The following CLIP2 variants were observed in gnomAD, a reference collection of about 807,000 sequenced individuals.
CLIP2 encodes the protein CAP-Gly domain containing linker protein 2.
Under a neutral mutation model 111.7 loss-of-function variants are expected in CLIP2, and 41 were observed. The ratio of observed to expected loss-of-function variants is 0.37; its 90% CI spans 0.29 to 0.48. CLIP2 has a LOEUF of 0.48. CLIP2 is among the 20% of genes least tolerant of loss of function. The pLI, the probability that CLIP2 is intolerant of heterozygous loss-of-function variation, is 0.99. For missense variants in CLIP2, 1,160 were observed against 1,422.1 expected (o/e 0.82, Z 2.96); for synonymous variants, 660 against 644.2 (o/e 1.02, Z -0.37).
At chr7:74,383,774 A>T (rs1437130861) in intron 11 of CLIP2, among the ~76,000 whole-genome samples, 2 of 152,152 alleles carry the variant, frequency 1.3e-5, no homozygotes, top group Non-Finnish European at 2.9e-5. Flanking sequence ...CAGGAGTTCA[A>T]GACCAGCCTG....
chr7:74,377,518 C>T (rs966572509), intron 10 of CLIP2, among the ~76,000 whole-genome samples: 2 of 152,260 alleles, frequency 1.3e-5, no homozygotes, highest in Admixed American at 1.3e-4. Context: ...GCTGTGCCCA[C>T]TCCACCAGGG....
At chr7:74,390,090 TA>T (rs1241387998) in intron 13 of CLIP2, among the ~76,000 whole-genome samples, 66 of 89,234 alleles carry the variant, frequency 7.4e-4, no homozygotes, top group Admixed American at 1.3e-3. Flanking sequence ...CCTGTCTCTT[TA>T]AAAAAAAAAA....
intron 1 of CLIP2, among the ~76,000 whole-genome samples, chr7:74,299,161 G>A (rs983647677): frequency 2.0e-5 from 3 of 151,918 alleles, no homozygotes; most frequent in Admixed American, 1.3e-4. Flanking sequence ...GCAAAACCCT[G>A]TCTCTATAAA....
intron 8 of CLIP2, among the ~76,000 whole-genome samples, chr7:74,371,691 G>A (rs1790629461): frequency 7.3e-6 from 1 of 136,070 alleles, no homozygotes; most frequent in Admixed American, 7.5e-5. Context: ...AGACGGGGGG[G>A]AGAAAGAAGA....
rs532112634 is a variant in CLIP2 at position 74,393,034 on chromosome 7, C to CT, written c.2720+3794dup. Among the ~76,000 whole-genome samples the CT allele has an allele frequency of 4.4e-3, 533 of 120,980 alleles. 4 individuals carry two copies. The highest frequency in any genetic ancestry group is 0.016 in the East Asian group (68 of 4,122). The allele number at this position is 120,980 out of a possible 152,430, so 79.4% of individuals were successfully genotyped here. On this transcript the variant is annotated intron_variant, in intron 13 of 16. Coordinates refer to ENST00000223398, the MANE Select transcript of CLIP2 (RefSeq NM_003388.5). ...ATTCCCCAGCCCCTGTAAGCATTTGCTTTTTTTTTTTTTTTTTTTGAGACG... is the reference window on the plus strand; with the variant it reads ...ATTCCCCAGCCCCTGTAAGCATTTGCTTTTTTTTTTTTTTTTTTTTGAGACG...
intron 2 of CLIP2, among the ~76,000 whole-genome samples, chr7:74,334,672 T>C (rs1775318615): frequency 1.3e-5 from 2 of 152,072 alleles, no homozygotes; most frequent in Admixed American, 1.3e-4. Context: ...GCACCCACTG[T>C]GCGTGTGGTC....
Position 74,338,509 on chromosome 7 carries a change from C to G in CLIP2, c.183C>G (p.Pro61=), listed in dbSNP as rs547019283. 5.6e-6 allele frequency: 9 copies of G among 1,610,746 alleles called. No homozygotes were observed. The highest frequency in any genetic ancestry group is 2.2e-5 in the East Asian group (1 of 44,770). The change falls in exon 3 of 17, where the codon CCC becomes CCG. Residue 61 remains proline (P), a synonymous_variant. Coordinates refer to ENST00000223398, the MANE Select transcript of CLIP2 (RefSeq NM_003388.5). This position sits in a 1 kb window ranked among gnomAD's most constrained non-coding sequence, Gnocchi z 4.3. ...PSSSPAAAAA[P]EKPGPKAAEV... is the part of the protein sequence containing the mutation. ...CCTCCCCGGCCGCAGCTGCTGCCCC[C>G]GAGAAGCCGGGCCCCAAGGCGGCGG...
intron 3 of CLIP2, among the ~76,000 whole-genome samples, chr7:74,350,210 C>T (rs1789944424): frequency 6.6e-6 from 1 of 151,920 alleles, no homozygotes. Flanking sequence ...CACCACCACG[C>T]CCAGCTAATT....
chr7:74,348,983 C>G (rs540527308), intron 3 of CLIP2, among the ~76,000 whole-genome samples: 26 of 150,610 alleles, frequency 1.7e-4, no homozygotes, highest in African/African-American at 6.1e-4. Flanking sequence ...CTCGCCTATA[C>G]AAGAAAAAAT....
intron 1 of CLIP2, among the ~76,000 whole-genome samples, chr7:74,296,686 G>A (rs553979332): frequency 4.6e-5 from 7 of 151,830 alleles, no homozygotes; most frequent in African/African-American, 1.7e-4. Context: ...CTACTCGGGA[G>A]GCTGAGGCAG....
intron 2 of CLIP2, among the ~76,000 whole-genome samples, chr7:74,330,166 C>T (rs113079096): frequency 4.5e-4 from 69 of 152,042 alleles, no homozygotes; most frequent in African/African-American, 1.4e-3. Context: ...TGGCCTCAAG[C>T]GATCCTCCTG....
At chr7:74,314,788 G>A (rs1212484477) in intron 1 of CLIP2, among the ~76,000 whole-genome samples, 1 of 152,224 alleles carries the variant, frequency 6.6e-6, no homozygotes, top group Non-Finnish European at 1.5e-5. Flanking sequence ...AGGAAAGTTT[G>A]TGAGTATAGG....
intron 1 of CLIP2, among the ~76,000 whole-genome samples, chr7:74,302,448 C>A (rs1040512373): frequency 3.9e-4 from 60 of 152,312 alleles, no homozygotes; most frequent in African/African-American, 1.3e-3. Context: ...CTCCTGACCA[C>A]AGGTGTTCCA....
intron 10 of CLIP2, among the ~76,000 whole-genome samples, chr7:74,378,471 G>A (rs1790858040): frequency 6.6e-6 from 1 of 152,120 alleles, no homozygotes; most frequent in Non-Finnish European, 1.5e-5. Flanking sequence ...TGGGTGTGGT[G>A]GCTCACACCT....
At chr7:74,398,452 T>C (rs936785578) in intron 14 of CLIP2, among the ~76,000 whole-genome samples, 1 of 152,160 alleles carries the variant, frequency 6.6e-6, no homozygotes, top group South Asian at 2.1e-4. Context: ...CGTCACGATA[T>C]GGAGGGCGTG....
At chr7:74,295,314 A>G (rs1554725918) in intron 1 of CLIP2, among the ~76,000 whole-genome samples, 1 of 152,088 alleles carries the variant, frequency 6.6e-6, no homozygotes, top group African/African-American at 2.4e-5. Flanking sequence ...GAGGGCATTC[A>G]TGATGGGGGC....
At chr7:74,295,768 G>A (rs1788148865) in intron 1 of CLIP2, among the ~76,000 whole-genome samples, 1 of 152,122 alleles carries the variant, frequency 6.6e-6, no homozygotes, top group Non-Finnish European at 1.5e-5. Flanking sequence ...ACTTTGGGAG[G>A]GCAAGGAGGG....
chr7:74,323,081 TTTTA>T (rs58819810), intron 2 of CLIP2, among the ~76,000 whole-genome samples: 10,694 of 144,804 alleles, frequency 0.074, 429 homozygotes, highest in South Asian at 0.11. Flanking sequence ...TTTAGCTATG[TTTTA>T]TTTATTTATT....
intron 14 of CLIP2, among the ~76,000 whole-genome samples, chr7:74,397,823 C>G (rs1056515868): frequency 2.0e-5 from 3 of 151,378 alleles, no homozygotes; most frequent in African/African-American, 4.9e-5. Flanking sequence ...CCCGCCACCA[C>G]GCCTGGCTAA....
Sources: gnomAD v4.1 joint callset for allele counts (sites outside exome capture counted in the v4.1 genomes callset) on GRCh38, gnomAD v4.1.1 for gene constraint, Gnocchi (gnomAD v3.1) non-coding constraint, MANE v1.5 for transcripts, NCBI Gene and HGNC (gene_info 2026-07-23, HGNC 2026-07-21) for gene names.